Variants in MYO16 observed in about 807,000 individuals in gnomAD.
MYO16 encodes unconventional myosin-XVI.
In MYO16, 94 loss-of-function variants were observed where a neutral mutation model predicts 205.3. The ratio of observed to expected loss-of-function variants is 0.46; its 90% confidence interval spans 0.39 to 0.54. MYO16 has a LOEUF of 0.54. MYO16 is among the 20% of genes least tolerant of loss of function. MYO16 has a pLI of 0.00. For synonymous variants in MYO16, 988 were observed against 954.0 expected (o/e 1.04, Z -0.66); for missense variants, 2,315 against 2,387.5 (o/e 0.97, Z 0.63).
In MYO16 at chr13:109,077,008, T is replaced by TTTTG. The variant is rs35770594; in HGVS notation, c.3335+21413_3335+21414insTTTG. Among the ~76,000 whole-genome samples the TTTTG allele has an allele frequency of 1.8e-3, 263 of 143,394 alleles. 4 individuals carry two copies. The highest frequency in any genetic ancestry group is 2.2e-3 in the Non-Finnish European group (146 of 65,150). The allele number at this position is 143,394 out of a possible 152,430, so 94.1% of individuals were successfully genotyped here. On this transcript the variant is annotated intron_variant, in intron 27 of 34. Coordinates refer to ENST00000457511, the MANE Select transcript of MYO16 (RefSeq NM_001198950.3). ...ATTTGTTTACACTTTTTTTTTTTTT[T>TTTTG]GGAGATGGAGTCTCGCTCTGTCGCC...
chr13:109,069,764 T>C (rs9521151), intron 27 of MYO16, among the ~76,000 whole-genome samples: 88,727 of 151,862 alleles, frequency 0.58, 25,952 homozygotes, highest in Admixed American at 0.61. Flanking sequence ...CCTTAATTAC[T>C]TCTCAAGGGA....
chr13:108,718,651 C>A (rs1884042293), intron 3 of MYO16, among the ~76,000 whole-genome samples: 1 of 152,022 alleles, frequency 6.6e-6, no homozygotes, highest in Non-Finnish European at 1.5e-5. Context: ...GGCAAACAGG[C>A]AATGGAGGGG....
At chr13:108,767,104 GT>G (rs56864471) in intron 4 of MYO16, among the ~76,000 whole-genome samples, 10,334 of 151,752 alleles carry the variant, frequency 0.068, 603 homozygotes, top group East Asian at 0.24. Flanking sequence ...TGTTTGTTTT[GT>G]TTTGTTTTGT....
chr13:108,560,231 C>G, the MYO16 span, among the ~76,000 whole-genome samples: 1 of 152,170 alleles, frequency 6.6e-6, no homozygotes, highest in Non-Finnish European at 1.5e-5. Flanking sequence ...TCATATGATG[C>G]AGTTCACCAT....
At chr13:109,058,838 T>G (rs1373999277) in intron 27 of MYO16, among the ~76,000 whole-genome samples, 1 of 152,168 alleles carries the variant, frequency 6.6e-6, no homozygotes, top group Non-Finnish European at 1.5e-5. Context: ...CTTTCAAAAT[T>G]CGAGTCAATC....
At chr13:108,798,704 T>A (rs1258107540) in intron 6 of MYO16, among the ~76,000 whole-genome samples, 11 of 125,282 alleles carry the variant, frequency 8.8e-5, no homozygotes, top group African/African-American at 2.9e-4. Context: ...TTTTTTTTTT[T>A]TTTTTTTTTT....
intron 31 of MYO16, among the ~76,000 whole-genome samples, chr13:109,133,642 C>T (rs1054053723): frequency 5.9e-5 from 9 of 152,204 alleles, no homozygotes; most frequent in Admixed American, 5.2e-4. Context: ...GATCCCAGAA[C>T]CTGCCCTAAA....
chr13:108,971,625 A>C (rs1195452927), intron 20 of MYO16, among the ~76,000 whole-genome samples: 1 of 151,734 alleles, frequency 6.6e-6, no homozygotes, highest in Non-Finnish European at 1.5e-5. Context: ...TTTCTAACAT[A>C]TATATGGAGA....
the MYO16 span, among the ~76,000 whole-genome samples, chr13:108,558,505 A>G: frequency 1.3e-5 from 2 of 152,272 alleles, no homozygotes; most frequent in East Asian, 1.9e-4. Context: ...GGCGATGAGC[A>G]TACAGTGTAG....
At chr13:108,516,182 G>A in the MYO16 span, among the ~76,000 whole-genome samples, 4 of 152,080 alleles carry the variant, frequency 2.6e-5, no homozygotes, top group Admixed American at 6.5e-5. Flanking sequence ...CTCGTGGTGC[G>A]CCATTTTTTA....
the MYO16 span, among the ~76,000 whole-genome samples, chr13:108,577,912 T>G: frequency 6.6e-6 from 1 of 152,312 alleles, no homozygotes; most frequent in Admixed American, 6.5e-5. Flanking sequence ...TCATTCCACT[T>G]GAGGAGTTGT....
intron 4 of MYO16, among the ~76,000 whole-genome samples, chr13:108,737,557 T>G (rs1171577157): frequency 6.6e-6 from 1 of 152,212 alleles, no homozygotes; most frequent in African/African-American, 2.4e-5. Context: ...TTATTGAGGA[T>G]TTTTGCATCA....
the MYO16 span, among the ~76,000 whole-genome samples, chr13:108,499,878 C>T: frequency 1.2e-4 from 19 of 152,276 alleles, no homozygotes; most frequent in African/African-American, 4.3e-4. Flanking sequence ...TGGGCAGAAG[C>T]GTCTCCGTTC....
At chr13:108,972,814 A>G (rs1464456680) in intron 20 of MYO16, among the ~76,000 whole-genome samples, 1 of 151,988 alleles carries the variant, frequency 6.6e-6, no homozygotes, top group Admixed American at 6.6e-5. Context: ...GGTTAGAAAC[A>G]ATGATATTTC....
At chr13:108,885,318 C>T (rs1453866016) in intron 13 of MYO16, among the ~76,000 whole-genome samples, 1 of 152,168 alleles carries the variant, frequency 6.6e-6, no homozygotes, top group African/African-American at 2.4e-5. Context: ...GGGGGTGTCA[C>T]CACGTTGGTC....
At chr13:108,986,053 G>A (rs1884620673) in intron 20 of MYO16, among the ~76,000 whole-genome samples, 1 of 152,172 alleles carries the variant, frequency 6.6e-6, no homozygotes, top group African/African-American at 2.4e-5. Context: ...CATGGCAGCA[G>A]GCAAGAGAGC....
chr13:109,202,177 A>AT (rs1022198551), intron 34 of MYO16, among the ~76,000 whole-genome samples: 8 of 151,650 alleles, frequency 5.3e-5, no homozygotes, highest in Admixed American at 1.3e-4. Context: ...ATGTGCACGT[A>AT]TTTTTTTTGT....
intron 21 of MYO16, among the ~76,000 whole-genome samples, chr13:109,001,895 T>C (rs1885224349): frequency 6.8e-6 from 1 of 147,176 alleles, no homozygotes; most frequent in South Asian, 2.2e-4. Context: ...CAATGCTCAG[T>C]GTCTAAAATC....
At chr13:108,663,715 C>T (rs1024995024) in intron 1 of MYO16, among the ~76,000 whole-genome samples, 4 of 152,170 alleles carry the variant, frequency 2.6e-5, no homozygotes, top group African/African-American at 4.8e-5. Context: ...CACCAAGAGA[C>T]GCTTCTTAAG....
Sources: allele counts gnomAD v4.1 joint callset (sites outside exome capture counted in the v4.1 genomes callset), GRCh38; gene constraint gnomAD v4.1.1; transcripts MANE v1.5; gene names NCBI Gene and HGNC (gene_info 2026-07-23, HGNC 2026-07-21).